The following PSEN1 variants were observed in gnomAD, a reference collection of about 807,000 sequenced individuals.
PSEN1 encodes presenilin 1.
In PSEN1, 15 loss-of-function variants were observed where a neutral mutation model predicts 53.5. The ratio of observed to expected loss-of-function variants is 0.28; its 90% CI spans 0.19 to 0.43. The LOEUF is 0.43. Ranked by LOEUF, PSEN1 falls within the 20% of genes least tolerant of loss-of-function variation. The pLI is 1.00. For synonymous variants in PSEN1, 208 were observed against 209.8 expected, an observed-to-expected ratio of 0.99 and a Z score of 0.08; for missense variants, 387 against 571.2, an observed-to-expected ratio of 0.68 and a Z score of 3.29.
rs151325212 is a variant in PSEN1, at chr14:73,188,149, G to T, written c.548+1229G>T. Among the ~76,000 whole-genome samples the T allele has an allele frequency of 4.0e-3, 601 of 152,108 alleles. 4 individuals are homozygous for T. Among genetic ancestry groups the T allele is most frequent in the African/African-American group, 0.014 (562 of 41,480 alleles). On this transcript the variant is annotated intron_variant, in intron 6 of 11. Transcript: ENST00000324501. ...TCACCATGTTGGCCAGGATGGTCTC[G>T]ATCTCCTGACCTCGTGATCCGCCCG...
At position 73,149,796 on chromosome 14, in the gene PSEN1, T is replaced by C. The variant is rs368768865; in HGVS notation, c.87+1690T>C. Among the ~76,000 whole-genome samples the C allele has an allele frequency of 1.2e-3, 178 of 152,360 alleles. 1 individual carries two copies. Among genetic ancestry groups the C allele is most frequent in the African/African-American group, 4.2e-3 (174 of 41,590 alleles). The stretch of plus-strand genomic sequence containing the variant: ...TATTCAATTAGTTGACATTGTTGTT[T>C]AACTTCGAGTACTATTACAGTTCTA... On this transcript the variant is annotated intron_variant, in intron 3 of 11. Coordinates refer to ENST00000324501, the MANE Select transcript of PSEN1 (RefSeq NM_000021.4).
chr14:73,193,747 C>T (rs1400662850), intron 7 of PSEN1, among the ~76,000 whole-genome samples: 1 of 151,868 alleles, frequency 6.6e-6, no homozygotes, highest in African/African-American at 2.4e-5. Context: ...ACCTTGAACT[C>T]CCTGGCTCAT....
At chr14:73,215,656 G>A (rs1179855609) in intron 10 of PSEN1, among the ~76,000 whole-genome samples, 2 of 152,054 alleles carry the variant, frequency 1.3e-5, no homozygotes, top group Non-Finnish European at 2.9e-5. Flanking sequence ...AACTTAATAC[G>A]AAGACGATAG....
At chr14:73,177,889 G>A (rs1289830051) in intron 5 of PSEN1, among the ~76,000 whole-genome samples, 2 of 151,656 alleles carry the variant, frequency 1.3e-5, no homozygotes, top group Non-Finnish European at 2.9e-5. Context: ...GAATCTCTAG[G>A]TTTATGTCTT....
chr14:73,168,217 A>G (rs746478880), intron 3 of PSEN1: 5 of 152,152 alleles, frequency 3.3e-5, no homozygotes, highest in Non-Finnish European at 7.3e-5. Flanking sequence ...TTAGTTGGGC[A>G]TGGTGGTGGG....
chr14:73,146,833 G>A (rs771387543), intron 1 of PSEN1, among the ~76,000 whole-genome samples: 1 of 152,124 alleles, frequency 6.6e-6, no homozygotes, highest in Non-Finnish European at 1.5e-5. Context: ...GTATGTACAC[G>A]GATTTTTGCC....
chr14:73,191,300 T>C (rs1224398716), intron 6 of PSEN1, among the ~76,000 whole-genome samples: 1 of 152,200 alleles, frequency 6.6e-6, no homozygotes, highest in Non-Finnish European at 1.5e-5. Context: ...GGATCATAAA[T>C]GGGATCCTAT....
intron 8 of PSEN1, among the ~76,000 whole-genome samples, chr14:73,205,606 T>C (rs908223108): frequency 6.6e-6 from 1 of 152,248 alleles, no homozygotes; most frequent in Non-Finnish European, 1.5e-5. Context: ...ATTGTTGGTG[T>C]ATCTTCAGGA....
rs1049178005 is a variant in PSEN1 at position 73,211,905 on chromosome 14, T to G, written c.1092T>G (p.Leu364=). The change falls in exon 10 of 12, where the codon CTT becomes CTG. Residue 364 remains leucine, a synonymous_variant. Transcript: ENST00000324501. ...TPESRAAVQE[L]SSSILAGEDP... ...AGTCACGAGCTGCTGTCCAGGAACT[T>G]TCCAGCAGTATCCTCGCTGGTGAAG... The G allele has an allele frequency of 1.2e-6, 2 of 1,613,804 alleles. No individual in the cohort carries two copies. The highest frequency in any genetic ancestry group is 1.7e-6 in the Non-Finnish European group (2 of 1,179,982).
intron 5 of PSEN1, among the ~76,000 whole-genome samples, chr14:73,182,173 T>C (rs1898237488): frequency 6.6e-6 from 1 of 152,182 alleles, no homozygotes; most frequent in African/African-American, 2.4e-5. Context: ...CAAGCATATG[T>C]TACTTTTGAT....
chr14:73,140,202 C>CTTTTTTTTTTTTTTTTTTTTTTTTTT (rs35223948), intron 1 of PSEN1, among the ~76,000 whole-genome samples: 3 of 73,040 alleles, frequency 4.1e-5, no homozygotes, highest in Non-Finnish European at 7.5e-5. Context: ...TTTTGCTATT[C>CTTTTTTTTTTTTTTTTTTTTTTTTTT]TTTTTTTTTT....
chr14:73,176,797 A>G (rs998698722), intron 5 of PSEN1, among the ~76,000 whole-genome samples: 1 of 152,212 alleles, frequency 6.6e-6, no homozygotes, highest in African/African-American at 2.4e-5. Context: ...GGGGTCACAC[A>G]GCTAGTGTGG....
At chr14:73,208,986 A>C (rs1899568449) in intron 9 of PSEN1, 4 of 422,538 alleles carry the variant, frequency 9.5e-6, no homozygotes, top group Admixed American at 7.6e-5. Context: ...GAGGGGGCCA[A>C]GGTGGCAGGG....
At chr14:73,201,907 C>T (rs778756870) in intron 8 of PSEN1, among the ~76,000 whole-genome samples, 41 of 152,006 alleles carry the variant, frequency 2.7e-4, no homozygotes, top group South Asian at 4.2e-4. Context: ...CCACCACATC[C>T]GGCTAATGTT....
rs1324288524 is a variant in PSEN1, at chr14:73,222,741, A to T, written c.*3452A>T. ...AATATTGGGTATTTGTCAAATAACC[A>T]CTTTTAACAGTTACCATTACTGAGG... On this transcript the variant is annotated 3_prime_UTR_variant, in exon 12 of 12. Coordinates refer to ENST00000324501, the MANE Select transcript of PSEN1 (RefSeq NM_000021.4). 5 of 152,214 alleles carry T rather than the reference A, an allele frequency of 3.3e-5. No homozygotes were observed. The highest frequency in any genetic ancestry group is 7.3e-5 in the Non-Finnish European group (5 of 68,032). 9.4% of individuals were successfully genotyped at this position (152,214 alleles called of 1,614,324 possible).
At chr14:73,205,701 G>A (rs1447734940) in intron 8 of PSEN1, among the ~76,000 whole-genome samples, 4 of 151,982 alleles carry the variant, frequency 2.6e-5, no homozygotes, top group Non-Finnish European at 4.4e-5. Flanking sequence ...CCTCCAGTGG[G>A]GATTATACCA....
chr14:73,186,883 C>A lies in PSEN1; in HGVS notation c.511C>A (p.Leu171Ile). ...CCATGCCTGGCTTATTATATCATCT[C>A]TATTGTTGCTGTTCTTTTTTTCATT... ...VIHAWLIISS[L>I]LLLFFFSFIY... The change falls in exon 6 of 12, where the codon CTA becomes ATA. Residue 171 changes from leucine (L) to isoleucine (I), a missense_variant. Around this residue, in one of 4 missense-constraint regions of PSEN1, gnomAD observed 169 missense variants for 299.7 expected, o/e 0.56. Transcript: ENST00000324501. 2 of 1,613,766 alleles carry A rather than the reference C, an allele frequency of 1.2e-6. No homozygotes were observed. Among genetic ancestry groups the A allele is most frequent in the Non-Finnish European group, 1.7e-6 (2 of 1,179,736 alleles).
At chr14:73,163,024 A>G (rs8006497) in intron 3 of PSEN1, among the ~76,000 whole-genome samples, 8,599 of 152,086 alleles carry the variant, frequency 0.057, 305 homozygotes, top group East Asian at 0.19. Context: ...TTTTTTGAAG[A>G]GCTCTATTTT....
At chr14:73,146,433 T>C (rs8006221) in intron 1 of PSEN1, among the ~76,000 whole-genome samples, 3,461 of 152,218 alleles carry the variant, frequency 0.023, 136 homozygotes, top group African/African-American at 0.076. Flanking sequence ...CTTAAGCTCT[T>C]TATTTTTTAA....
Sources: gnomAD v4.1 joint callset for allele counts (sites outside exome capture counted in the v4.1 genomes callset) on GRCh38, gnomAD v4.1.1 for gene constraint, gnomAD v4.1.1 regional missense constraint, MANE v1.5 for transcripts, NCBI Gene and HGNC (gene_info 2026-07-23, HGNC 2026-07-21) for gene names.